Variants in HERC4 observed in about 807,000 individuals in gnomAD.
The protein encoded by HERC4 is probable E3 ubiquitin-protein ligase HERC4.
In HERC4, 28 loss-of-function variants were observed where a neutral mutation model predicts 124.3. That is an observed-to-expected ratio of 0.23 (90% CI 0.17 to 0.31). The LOEUF (loss-of-function observed/expected upper bound fraction) is 0.31. Among genes scored for constraint, HERC4 ranks in the 10% least tolerant of loss-of-function variants. The pLI, the probability that HERC4 is intolerant of heterozygous loss-of-function variation, is 1.00. For synonymous variants in HERC4, 407 were observed against 421.5 expected, an observed-to-expected ratio of 0.97 and a Z score of 0.42; for missense variants, 713 against 1,229.3, an observed-to-expected ratio of 0.58 and a Z score of 6.28.
At chr10:67,929,974 T>C (rs553188866) in intron 23 of HERC4, among the ~76,000 whole-genome samples, 336 of 152,168 alleles carry the variant, frequency 2.2e-3, no homozygotes, top group African/African-American at 7.8e-3. Context: ...ACCCAGCTAA[T>C]TTTGTATTTT....
chr10:68,049,932 C>T (rs886403908), intron 3 of HERC4, among the ~76,000 whole-genome samples: 7 of 152,066 alleles, frequency 4.6e-5, no homozygotes, highest in East Asian at 1.9e-4. Flanking sequence ...CAAGGCCAGA[C>T]GCAGTGGCTT....
chr10:68,017,708 T>C (rs1287608293), intron 8 of HERC4, among the ~76,000 whole-genome samples: 3 of 152,132 alleles, frequency 2.0e-5, no homozygotes, highest in Non-Finnish European at 2.9e-5. Flanking sequence ...AGGCTGGTCA[T>C]GAACCCCTGA....
chr10:68,046,009 T>C (rs972981566), intron 3 of HERC4, among the ~76,000 whole-genome samples: 6 of 152,150 alleles, frequency 3.9e-5, no homozygotes, highest in African/African-American at 1.4e-4. Flanking sequence ...TACCTACTCC[T>C]GAAGCTTCCA....
intron 21 of HERC4, among the ~76,000 whole-genome samples, chr10:67,937,799 G>A: frequency 6.6e-6 from 1 of 151,128 alleles, no homozygotes; most frequent in Non-Finnish European, 1.5e-5. Flanking sequence ...TCCTGCCTCA[G>A]CCTCCCCGAG....
intron 9 of HERC4, among the ~76,000 whole-genome samples, chr10:68,003,126 C>G (rs2037327256): frequency 6.6e-6 from 1 of 151,756 alleles, no homozygotes; most frequent in South Asian, 2.1e-4. Context: ...CTATGAAATA[C>G]TAGACCTTAT....
At chr10:68,062,148 A>G (rs1198456405) in intron 3 of HERC4, among the ~76,000 whole-genome samples, 1 of 152,078 alleles carries the variant, frequency 6.6e-6, no homozygotes, top group East Asian at 1.9e-4. Context: ...CACTTCACAC[A>G]TTTAGCCCTG....
intron 19 of HERC4, among the ~76,000 whole-genome samples, chr10:67,949,475 C>T (rs1167815434): frequency 2.0e-5 from 3 of 152,084 alleles, no homozygotes; most frequent in Non-Finnish European, 2.9e-5. Context: ...ACCTTGCACA[C>T]GCACCCCAAA....
At chr10:68,035,820 A>C (rs2039431570) in intron 5 of HERC4, among the ~76,000 whole-genome samples, 1 of 152,286 alleles carries the variant, frequency 6.6e-6, no homozygotes, top group South Asian at 2.1e-4. Flanking sequence ...CTCTCCCAGC[A>C]GGAGCCTTCC....
At chr10:68,053,230 T>G (rs910848175) in intron 3 of HERC4, among the ~76,000 whole-genome samples, 1 of 152,168 alleles carries the variant, frequency 6.6e-6, no homozygotes, top group Non-Finnish European at 1.5e-5. Context: ...AACATTTTTG[T>G]CAACTGATAA....
chr10:68,040,333 C>A, intron 4 of HERC4: 1 of 953,564 alleles, frequency 1.0e-6, no homozygotes, highest in South Asian at 4.9e-5. Flanking sequence ...AAAACTATCC[C>A]CTTTCATCTT....
chr10:67,942,083 T>C (rs56338838), intron 19 of HERC4, among the ~76,000 whole-genome samples: 2,921 of 152,272 alleles, frequency 0.019, 87 homozygotes, highest in African/African-American at 0.067. Flanking sequence ...ACACTGAAAA[T>C]GTTTATTTTT....
At chr10:68,061,982 G>T (rs1324858014) in intron 3 of HERC4, among the ~76,000 whole-genome samples, 1 of 150,502 alleles carries the variant, frequency 6.6e-6, no homozygotes, top group Non-Finnish European at 1.5e-5. Flanking sequence ...ATTTACAACG[G>T]TATTATATCA....
Position 68,016,509 on chromosome 10 carries a change from T to C in HERC4, c.909-2323A>G, listed in dbSNP as rs567565090. Among the ~76,000 whole-genome samples, 47 of 152,208 alleles carry C rather than the reference T, an allele frequency of 3.1e-4. 1 individual carries two copies. In the South Asian group the frequency reaches 9.1e-3, roughly 30 times the overall value. On this transcript the variant is annotated intron_variant, in intron 8 of 24. Coordinates refer to ENST00000373700, the MANE Select transcript of HERC4 (RefSeq NM_015601.4). ...CTGGGACTACAGGCATGTGCCACCATGCCCAGCTAATTTTTGTATTTTTAG... is the reference window on the plus strand; with the variant it reads ...CTGGGACTACAGGCATGTGCCACCACGCCCAGCTAATTTTTGTATTTTTAG...
At position 67,969,379 on chromosome 10, in the gene HERC4, G is replaced by A. The variant is rs74145829; in HGVS notation, c.1807-2577C>T. Among the ~76,000 whole-genome samples, 684 of 152,200 alleles carry A rather than the reference G, an allele frequency of 4.5e-3. 6 individuals carry two copies. The highest frequency in any genetic ancestry group is 0.016 in the African/African-American group (662 of 41,526). On this transcript the variant is annotated intron_variant, in intron 15 of 24. Coordinates refer to ENST00000373700, the MANE Select transcript of HERC4 (RefSeq NM_015601.4). ...GGGTAGCTTGATAGTATGAAACCCC[G>A]CAGAGTCCCAGGCAGTTGGCACTCA...
At chr10:68,030,847 T>G (rs1211260500) in intron 7 of HERC4, among the ~76,000 whole-genome samples, 1 of 152,246 alleles carries the variant, frequency 6.6e-6, no homozygotes. Context: ...TATCCTCATA[T>G]CTATAAACAT....
chr10:68,052,532 T>C (rs939741920), intron 3 of HERC4, among the ~76,000 whole-genome samples: 4 of 152,246 alleles, frequency 2.6e-5, no homozygotes, highest in African/African-American at 9.6e-5. Flanking sequence ...TGCACAAATA[T>C]CATTAAAAAA....
chr10:67,983,558 T>A (rs1207600985), intron 15 of HERC4, among the ~76,000 whole-genome samples: 1 of 151,838 alleles, frequency 6.6e-6, no homozygotes, highest in African/African-American at 2.4e-5. Context: ...GGTGGGCGGA[T>A]CACAAGGTCA....
chr10:68,030,537 T>G (rs1387676408), intron 7 of HERC4, among the ~76,000 whole-genome samples: 1 of 152,258 alleles, frequency 6.6e-6, no homozygotes, highest in Non-Finnish European at 1.5e-5. Flanking sequence ...CACCTTGCTC[T>G]TTTCACTTAG....
At chr10:67,976,090 G>A (rs1227445487) in intron 15 of HERC4, among the ~76,000 whole-genome samples, 1 of 150,298 alleles carries the variant, frequency 6.7e-6, no homozygotes, top group Non-Finnish European at 1.5e-5. Flanking sequence ...TTTACATGCT[G>A]TCCACAGTGG....
Sources: allele counts gnomAD v4.1 joint callset (sites outside exome capture counted in the v4.1 genomes callset), GRCh38; gene constraint gnomAD v4.1.1; transcripts MANE v1.5; gene names NCBI Gene and HGNC (gene_info 2026-07-23, HGNC 2026-07-21).